Variants in SPTBN2 observed in about 807,000 individuals in gnomAD.
SPTBN2 encodes the protein spectrin beta chain, non-erythrocytic 2.
Under a neutral mutation model 284.2 loss-of-function variants are expected in SPTBN2, and 107 were observed. The observed-to-expected ratio is 0.38, with a 90% CI of 0.32 to 0.44. The LOEUF (loss-of-function observed/expected upper bound fraction) is 0.44, where lower values mean the gene tolerates loss of function less well. SPTBN2 is among the 20% of genes least tolerant of loss of function. SPTBN2 has a pLI of 1.00. For missense variants in SPTBN2, 2,569 were observed against 3,287.1 expected (o/e 0.78, Z 5.34); for synonymous variants, 1,289 against 1,354.8 (o/e 0.95, Z 1.07).
intron 3 of SPTBN2, among the ~76,000 whole-genome samples, 188 bp downstream of exon 3, chr11:66,720,896 G>C (rs1433540331): frequency 2.0e-5 from 3 of 152,174 alleles, no homozygotes; most frequent in East Asian, 1.9e-4. Flanking sequence ...GGAAGAGCTG[G>C]GGAAAGTTCT....
At chr11:66,723,108 G>A (rs1023668294) in intron 1 of SPTBN2, among the ~76,000 whole-genome samples, 48 of 151,906 alleles carry the variant, frequency 3.2e-4, no homozygotes, top group African/African-American at 1.2e-3. Context: ...GGCCCAGGCT[G>A]GGGAAATGTG....
intron 1 of SPTBN2, among the ~76,000 whole-genome samples, chr11:66,725,723 C>T (rs1029271468): frequency 1.3e-5 from 2 of 152,202 alleles, no homozygotes; most frequent in African/African-American, 4.8e-5. Flanking sequence ...AGAATGCCAA[C>T]CCCCGCCGGC....
In SPTBN2 at chr11:66,716,390, G is replaced by A. The variant is rs556877802; in HGVS notation, c.158-409C>T. ...CCCAGCTACTCGGGAGGCTGAGGCAGACTGACGTGAACCTGGGAGGGGGAG... is the reference window on the plus strand; with the variant it reads ...CCCAGCTACTCGGGAGGCTGAGGCAAACTGACGTGAACCTGGGAGGGGGAG... On this transcript the variant is annotated intron_variant, in intron 3 of 37. Transcript: ENST00000533211. 5.9e-4 allele frequency among the ~76,000 whole-genome samples: 89 copies of A among 152,052 alleles called. 1 individual carries two copies. Among genetic ancestry groups the A allele is most frequent in the African/African-American group, 2.0e-3 (85 of 41,466 alleles).
At chr11:66,725,044 C>G (rs965826600) in intron 1 of SPTBN2, among the ~76,000 whole-genome samples, 1 of 152,174 alleles carries the variant, frequency 6.6e-6, no homozygotes, top group African/African-American at 2.4e-5. Flanking sequence ...AAGTATGGAG[C>G]TAGAACCTCC....
rs772831240 is a variant in SPTBN2, at chr11:66,694,380, G to A, written c.4279-17C>T. 1 of 1,612,808 alleles carries A rather than the reference G, an allele frequency of 6.2e-7. No homozygotes were observed. Among genetic ancestry groups the A allele is most frequent in the Non-Finnish European group, 8.5e-7 (1 of 1,179,194 alleles). On this transcript the variant is annotated splice_polypyrimidine_tract_variant and intron_variant, in intron 21 of 37. Coordinates refer to ENST00000533211, the MANE Select transcript of SPTBN2 (RefSeq NM_006946.4). ...TTCCAGCATCTGCAAACCGCCAGGA[G>A]GAAGGACATGTTAGCTCTGCATTTC...
chr11:66,694,014 G>T, intron 22 of SPTBN2, 125 bp downstream of exon 22: 1 of 1,360,498 alleles, frequency 7.4e-7, no homozygotes, highest in Non-Finnish European at 1.0e-6. Flanking sequence ...TCCCTATAGG[G>T]GAGATGGTCA....
At chr11:66,694,042 G>A in intron 22 of SPTBN2, 97 bp downstream of exon 22, 4 of 1,473,516 alleles carry the variant, frequency 2.7e-6, no homozygotes, top group Non-Finnish European at 9.4e-7. Context: ...AGAGAAGAGG[G>A]AATAGAGCCC....
rs776892864 is a variant in SPTBN2, at chr11:66,686,004, C to T, written c.7040G>A (p.Arg2347Gln). 9 of 1,613,576 alleles carry T rather than the reference C, an allele frequency of 5.6e-6. No homozygotes were observed. In the Admixed American group the frequency reaches 6.7e-5, roughly 12 times the overall value. Residue 2347 changes from arginine to glutamine, a missense_variant, in exon 38 of 38, where the codon CGG becomes CAG. Coordinates refer to ENST00000533211, the MANE Select transcript of SPTBN2 (RefSeq NM_006946.4). ...PEEPVVPSTTRGMTRAMTMPP... is the reference protein window; with the variant it reads ...PEEPVVPSTTQGMTRAMTMPP... ...CATGGTCATGGCCCGGGTCATGCCCCGGGTGGTGCTGGGCACCACCGGCTC... is the reference window on the plus strand; with the variant it reads ...CATGGTCATGGCCCGGGTCATGCCCTGGGTGGTGCTGGGCACCACCGGCTC...
At chr11:66,739,030 C>T (rs1296091817) in intron 1 of SPTBN2, among the ~76,000 whole-genome samples, 3 of 151,810 alleles carry the variant, frequency 2.0e-5, no homozygotes, top group Non-Finnish European at 4.4e-5. Flanking sequence ...TGGTCTTGGG[C>T]TCCCGAGCTC....
Position 66,688,267 on chromosome 11 carries a change from C to G in SPTBN2, c.6276G>C (p.Glu2092Asp). The G allele has an allele frequency of 1.2e-6, 2 of 1,612,194 alleles. No homozygotes were observed. Among genetic ancestry groups the G allele is most frequent in the Non-Finnish European group, 1.7e-6 (2 of 1,179,328 alleles). ...GAGCAGGCGGCTGTTTCCGCCGCTC[C>G]TCCTCCTCCCTCTTTCTCTTTCGCT... Reference protein sequence around the residue: ...EKERKRKREEEERRKQPPAPE... With the variant: ...EKERKRKREEDERRKQPPAPE... The change falls in exon 32 of 38, where the codon GAG (glutamate) becomes GAC (aspartate). Residue 2092 changes from glutamate to aspartate, a missense_variant. Around this residue, in one of 6 missense-constraint regions of SPTBN2, gnomAD observed 1,130 missense variants for 1,317.3 expected, o/e 0.86. Transcript: ENST00000533211.
At chr11:66,690,411 G>A (rs1200474092) in intron 27 of SPTBN2, 128 bp from the exon 28 acceptor site, 3 of 1,317,420 alleles carry the variant, frequency 2.3e-6, no homozygotes, top group African/African-American at 1.5e-5. Context: ...AGGAGCCAGG[G>A]AGTGGGGGTG....
chr11:66,695,779 G>C (rs948173555), intron 21 of SPTBN2, among the ~76,000 whole-genome samples: 15 of 151,940 alleles, frequency 9.9e-5, no homozygotes, highest in African/African-American at 3.4e-4. Flanking sequence ...GCCCAGGCTG[G>C]AGTGCGATGG....
rs562339422 is a variant in SPTBN2 at position 66,698,644 on chromosome 11, C to G, written c.4009G>C (p.Asp1337His). Residue 1337 changes from aspartate (D) to histidine (H), a missense_variant, in exon 20 of 38, where the codon GAC (aspartate) becomes CAC (histidine). Physicochemically the swap from Asp to His is moderately conservative, Grantham distance 81 (BLOSUM62 -1). Transcript: ENST00000533211. ...AANKDWLDKV[D>H]KEGRELTLEK... ...GCCCCCACAGCACTGCTCACCTTGTCCACCTTGTCCAGCCAGTCTTTGTTG... is the reference window on the plus strand; with the variant it reads ...GCCCCCACAGCACTGCTCACCTTGTGCACCTTGTCCAGCCAGTCTTTGTTG... 11 of 1,614,206 alleles carry G rather than the reference C, an allele frequency of 6.8e-6. No homozygotes were observed. The African/African-American group carries it at 1.5e-4, about 22-fold the overall frequency.
chr11:66,717,931 CTCCT>C (rs1313859442), intron 3 of SPTBN2, among the ~76,000 whole-genome samples: 2 of 152,198 alleles, frequency 1.3e-5, no homozygotes, highest in Non-Finnish European at 2.9e-5. Context: ...CACAGATCCT[CTCCT>C]TCGAGACACT....
In SPTBN2 at chr11:66,714,304, G is replaced by A. The variant is rs1942035586; in HGVS notation, c.575+12C>T. The A allele has an allele frequency of 6.2e-7, 1 of 1,613,640 alleles. No homozygotes were observed. The highest frequency in any genetic ancestry group is 8.5e-7 in the Non-Finnish European group (1 of 1,179,724). ...CTGACCCTCCAGTGCCACACGCCCA[G>A]GGTGTCCTCACCCTGCAGTCTTCAT... is the stretch of plus-strand genomic sequence containing the variant. On this transcript the variant is annotated intron_variant, in intron 6 of 37. Coordinates refer to ENST00000533211, the MANE Select transcript of SPTBN2 (RefSeq NM_006946.4).
intron 1 of SPTBN2, among the ~76,000 whole-genome samples, chr11:66,738,450 G>A (rs754086287): frequency 6.6e-6 from 1 of 152,102 alleles, no homozygotes; most frequent in Non-Finnish European, 1.5e-5. Flanking sequence ...ATGAAAGTTG[G>A]GGAAACAGAA....
rs1941061638 is a variant in SPTBN2, at chr11:66,698,545, T to C, written c.4014+94A>G. On this transcript the variant is annotated intron_variant, in intron 20 of 37. Coordinates refer to ENST00000533211, the MANE Select transcript of SPTBN2 (RefSeq NM_006946.4). ...GAGCTGTGGCACCAGAACCCCACAA[T>C]CTCTAACCATGACAAAAACCACGTC... is the stretch of plus-strand genomic sequence containing the variant. 5.6e-5 allele frequency: 89 copies of C among 1,590,612 alleles called. 1 individual carries two copies. The South Asian group carries it at 9.0e-4, about 16-fold the overall frequency.
chr11:66,716,381 G>A (rs1942150472), intron 3 of SPTBN2, among the ~76,000 whole-genome samples: 1 of 152,050 alleles, frequency 6.6e-6, no homozygotes, highest in Non-Finnish European at 1.5e-5. Flanking sequence ...TACTCGGGAG[G>A]CTGAGGCAGA....
At position 66,686,222 on chromosome 11, in the gene SPTBN2, A is replaced by C. The variant is rs749616713; in HGVS notation, c.6940-118T>G. The C allele has an allele frequency of 1.7e-5, 23 of 1,386,674 alleles. No homozygotes were observed. The Admixed American group carries it at 3.7e-4, about 22-fold the overall frequency. The allele number at this position is 1,386,674 out of a possible 1,614,324, so 85.9% of individuals were successfully genotyped here. On this transcript the variant is annotated intron_variant, in intron 37 of 37. Coordinates refer to ENST00000533211, the MANE Select transcript of SPTBN2 (RefSeq NM_006946.4). Reference sequence around the variant, plus strand: ...AGTGAGCTGACTGTTTCATGCTATTAGGAGAATGTGGCCGGCTTAGACAGG... The same window carrying C: ...AGTGAGCTGACTGTTTCATGCTATTCGGAGAATGTGGCCGGCTTAGACAGG...
Sources: allele counts gnomAD v4.1 joint callset (sites outside exome capture counted in the v4.1 genomes callset), GRCh38; gene constraint gnomAD v4.1.1; regional missense constraint gnomAD v4.1.1; transcripts MANE v1.5; gene names NCBI Gene and HGNC (gene_info 2026-07-23, HGNC 2026-07-21).